The following CTNNA3 variants were observed in gnomAD, a reference collection of about 807,000 sequenced individuals.
The protein encoded by CTNNA3 is catenin alpha-3.
A neutral mutation model predicts 95.7 loss-of-function variants in CTNNA3; 76 were observed. The ratio of observed to expected loss-of-function variants is 0.79; its 90% CI spans 0.66 to 0.96. The LOEUF (loss-of-function observed/expected upper bound fraction) is 0.96. Ranked by LOEUF, CTNNA3 falls within the 40% of genes least tolerant of loss-of-function variation. The pLI is 0.00. For synonymous variants in CTNNA3, 431 were observed against 374.4 expected, an observed-to-expected ratio of 1.15 and a Z score of -1.74; for missense variants, 1,191 against 1,089.8, an observed-to-expected ratio of 1.09 and a Z score of -1.31.
At chr10:66,673,361 TA>T (rs1846733524) in intron 9 of CTNNA3, among the ~76,000 whole-genome samples, 1 of 152,112 alleles carries the variant, frequency 6.6e-6, no homozygotes, top group South Asian at 2.1e-4. Flanking sequence ...TTGATGTAGC[TA>T]AAAAATATTG....
At chr10:67,031,768 A>T (rs10762128) in intron 7 of CTNNA3, among the ~76,000 whole-genome samples, 125,986 of 152,132 alleles carry the variant, frequency 0.83, 53,180 homozygotes, top group Non-Finnish European at 0.91. Context: ...GAAATGAGTG[A>T]GAATTACTCT....
At chr10:66,928,491 G>T in intron 7 of CTNNA3, 2 of 1,529,664 alleles carry the variant, frequency 1.3e-6, no homozygotes, top group South Asian at 1.3e-5. Flanking sequence ...TTAAAAGCTG[G>T]GAAATAAGTG....
intron 5 of CTNNA3, among the ~76,000 whole-genome samples, chr10:67,499,260 G>A (rs2133098102): frequency 6.6e-6 from 1 of 152,284 alleles, no homozygotes; most frequent in African/African-American, 2.4e-5. Flanking sequence ...TGTTGAACCA[G>A]CCTTGCATCC....
At chr10:66,343,271 A>G (rs1169047898) in intron 12 of CTNNA3, among the ~76,000 whole-genome samples, 1 of 152,036 alleles carries the variant, frequency 6.6e-6, no homozygotes, top group African/African-American at 2.4e-5. Flanking sequence ...AGACACCTGC[A>G]CTCTCATGTT....
intron 7 of CTNNA3, among the ~76,000 whole-genome samples, chr10:67,004,658 T>A (rs1851872526): frequency 6.6e-6 from 1 of 152,180 alleles, no homozygotes; most frequent in Non-Finnish European, 1.5e-5. Context: ...CATTGGCAAG[T>A]AGTTGAAATC....
At chr10:66,413,491 A>G (rs1239120077) in intron 11 of CTNNA3, among the ~76,000 whole-genome samples, 1 of 152,216 alleles carries the variant, frequency 6.6e-6, no homozygotes, top group Admixed American at 6.5e-5. Flanking sequence ...TAATGACTCA[A>G]ATTGGCCTTA....
intron 2 of CTNNA3, among the ~76,000 whole-genome samples, chr10:67,639,170 G>C (rs1173645078): frequency 6.6e-6 from 1 of 151,914 alleles, no homozygotes; most frequent in African/African-American, 2.4e-5. Flanking sequence ...ATGATAAAGG[G>C]GATATCACCG....
chr10:67,645,592 A>G (rs1474537013), intron 2 of CTNNA3, among the ~76,000 whole-genome samples: 3 of 152,308 alleles, frequency 2.0e-5, no homozygotes, highest in Admixed American at 2.0e-4. Context: ...ACTTGGTGAT[A>G]TGTATGAAAA....
chr10:67,356,498 T>C (rs899190788), intron 5 of CTNNA3, among the ~76,000 whole-genome samples: 2 of 152,120 alleles, frequency 1.3e-5, no homozygotes, highest in African/African-American at 4.8e-5. Flanking sequence ...AATCTCCCAG[T>C]ACCCTCAATC....
chr10:67,624,310 C>T (rs1316187812), intron 2 of CTNNA3, among the ~76,000 whole-genome samples: 1 of 152,158 alleles, frequency 6.6e-6, no homozygotes, highest in Non-Finnish European at 1.5e-5. Context: ...TCTGTCAACA[C>T]ACCTGGACAG....
chr10:67,651,914 T>C (rs1839889015), intron 1 of CTNNA3, among the ~76,000 whole-genome samples: 1 of 152,244 alleles, frequency 6.6e-6, no homozygotes, highest in Non-Finnish European at 1.5e-5. Context: ...AGATCATCTT[T>C]TTACCTATGT....
intron 8 of CTNNA3, among the ~76,000 whole-genome samples, chr10:66,767,866 A>G (rs1212573980): frequency 6.6e-6 from 1 of 152,244 alleles, no homozygotes; most frequent in Non-Finnish European, 1.5e-5. Context: ...TCAACAATTT[A>G]AGAAAGGCTT....
At chr10:66,824,785 C>T (rs1370976064) in intron 7 of CTNNA3, among the ~76,000 whole-genome samples, 1 of 152,044 alleles carries the variant, frequency 6.6e-6, no homozygotes, top group African/African-American at 2.4e-5. Flanking sequence ...GAAGTCATCG[C>T]CGTCTAAAGA....
chr10:67,746,787 T>A (rs930657259), intron 1 of CTNNA3, among the ~76,000 whole-genome samples: 2 of 152,200 alleles, frequency 1.3e-5, no homozygotes, highest in Non-Finnish European at 2.9e-5. Context: ...TCAGCTGCAG[T>A]CTGCCTAAGA....
intron 9 of CTNNA3, among the ~76,000 whole-genome samples, chr10:66,742,965 T>C (rs1351664111): frequency 1.3e-5 from 2 of 152,232 alleles, no homozygotes; most frequent in Non-Finnish European, 2.9e-5. Flanking sequence ...CGTTTATACA[T>C]GATTTTTTTT....
chr10:66,529,332 A>C (rs1054367708), intron 10 of CTNNA3, among the ~76,000 whole-genome samples: 16 of 151,784 alleles, frequency 1.1e-4, no homozygotes, highest in African/African-American at 3.9e-4. Flanking sequence ...GGGTTTCACC[A>C]TGTTGGGCAG....
chr10:66,446,469 A>G (rs2093422198), intron 11 of CTNNA3, among the ~76,000 whole-genome samples: 1 of 151,728 alleles, frequency 6.6e-6, no homozygotes, highest in Non-Finnish European at 1.5e-5. Flanking sequence ...CAAAAAGTTT[A>G]TCCACCATGA....
intron 15 of CTNNA3, among the ~76,000 whole-genome samples, chr10:66,061,838 C>A (rs562488679): frequency 1.3e-5 from 2 of 152,226 alleles, no homozygotes; most frequent in African/African-American, 4.8e-5. Flanking sequence ...TCCACAAACT[C>A]TCTCTCTTCC....
At chr10:66,926,055 A>C (rs553798429) in intron 7 of CTNNA3, 8 of 457,210 alleles carry the variant, frequency 1.7e-5, no homozygotes, top group African/African-American at 1.4e-4. Flanking sequence ...AGCAGCTTTC[A>C]GAATGACAGT....
Sources: gnomAD v4.1 joint callset for allele counts (sites outside exome capture counted in the v4.1 genomes callset) on GRCh38, gnomAD v4.1.1 for gene constraint, MANE v1.5 for transcripts, NCBI Gene and HGNC (gene_info 2026-07-23, HGNC 2026-07-21) for gene names.